The following PHACTR2 variants were observed in gnomAD, a reference collection of about 807,000 sequenced individuals.
PHACTR2 encodes the protein chromosome 6 open reading frame 56.
PHACTR2 carries 30 observed loss-of-function variants against 76.0 expected under a neutral mutation model. The observed-to-expected ratio is 0.39, with a 90% CI of 0.30 to 0.54. The LOEUF (loss-of-function observed/expected upper bound fraction) is 0.54. Ranked by LOEUF, PHACTR2 falls within the 20% of genes least tolerant of loss-of-function variation. The probability of loss-of-function intolerance (pLI) is 0.61; values close to 1 mark genes in which losing one functional copy is unlikely to be tolerated. For missense variants in PHACTR2, 696 were observed against 781.1 expected, an observed-to-expected ratio of 0.89 and a Z score of 1.30; for synonymous variants, 292 against 292.5, an observed-to-expected ratio of 1.00 and a Z score of 0.02.
In PHACTR2 at chr6:143,819,895, G is replaced by A. The variant is rs1776375001; in HGVS notation, c.1923-3779G>A. Among the ~76,000 whole-genome samples, 1 of 152,168 alleles carries A rather than the reference G, an allele frequency of 6.6e-6. No homozygotes were observed. Among genetic ancestry groups the A allele is most frequent in the African/African-American group, 2.4e-5 (1 of 41,432 alleles). On this transcript the variant is annotated intron_variant, in intron 12 of 12. Coordinates refer to ENST00000440869, the MANE Select transcript of PHACTR2 (RefSeq NM_001100164.2). This position sits in a 1 kb window ranked among gnomAD's most constrained non-coding sequence, Gnocchi z 5.0. ...GACTAGGTAATTTATAAGAAAACAGGTTTAATTGGCTCACAGTTCTGCAGG... is the reference window on the plus strand; with the variant it reads ...GACTAGGTAATTTATAAGAAAACAGATTTAATTGGCTCACAGTTCTGCAGG...
chr6:143,767,339 T>G lies in PHACTR2; in HGVS notation c.1232+1541T>G, dbSNP rs1478616390. 6.6e-6 allele frequency among the ~76,000 whole-genome samples: 1 copy of G among 152,238 alleles called. No individual in the cohort carries two copies. The highest frequency in any genetic ancestry group is 1.9e-4 in the East Asian group (1 of 5,204). On this transcript the variant is annotated intron_variant, in intron 6 of 12. Transcript: ENST00000440869. The surrounding 1 kb of genome is among the most constrained non-coding windows in gnomAD (Gnocchi z 4.4). The stretch of plus-strand genomic sequence containing the variant: ...GTTTTCCAAAGCAGTGGCTTCTACT[T>G]CTACTGCCATTTCTCTTCTGTTAGT...
rs1776488863 is a variant in PHACTR2 at position 143,824,185 on chromosome 6, TATTAAGGGATTTAGG to T, written c.*498_*512del. 6.3e-6 allele frequency: 1 copy of T among 159,212 alleles called. No homozygotes were observed. 9.9% of individuals were successfully genotyped at this position (159,212 alleles called of 1,614,324 possible). A position where few individuals can be genotyped will look rare whatever the true frequency, so the allele number is the denominator to read the frequency against. ...AGTAGTTATTCGGTAGCTGAGAACT[TATTAAGGGATTTAGG>T]AATTTAACCTCCTGATGTGGATTCC... On this transcript the variant is annotated 3_prime_UTR_variant, in exon 13 of 13. Coordinates refer to ENST00000440869, the MANE Select transcript of PHACTR2 (RefSeq NM_001100164.2). This position sits in a 1 kb window ranked among gnomAD's most constrained non-coding sequence, Gnocchi z 6.3.
intron 1 of PHACTR2, among the ~76,000 whole-genome samples, chr6:143,575,902 T>C (rs1449502967): frequency 1.3e-5 from 2 of 152,258 alleles, no homozygotes; most frequent in Non-Finnish European, 2.9e-5. Flanking sequence ...AAAGTCTATG[T>C]TCCAGTTCTT....
chr6:143,668,607 G>T (rs1372710034), intron 1 of PHACTR2, among the ~76,000 whole-genome samples: 1 of 152,114 alleles, frequency 6.6e-6, no homozygotes, highest in Non-Finnish European at 1.5e-5. Context: ...GTCTTGGGAG[G>T]ATGTATGTGT....
At chr6:143,804,963 T>C (rs566408276) in intron 11 of PHACTR2, among the ~76,000 whole-genome samples, 121 of 152,288 alleles carry the variant, frequency 7.9e-4, no homozygotes, top group African/African-American at 2.7e-3. Flanking sequence ...TCTCATGATA[T>C]TGTGAAGAAT....
At chr6:143,631,087 A>G (rs1038064038) in intron 1 of PHACTR2, among the ~76,000 whole-genome samples, 1 of 152,244 alleles carries the variant, frequency 6.6e-6, no homozygotes, top group African/African-American at 2.4e-5. Flanking sequence ...TGCCCACAGC[A>G]GCATTTTATA....
chr6:143,786,634 C>T (rs1400526942), intron 10 of PHACTR2, among the ~76,000 whole-genome samples: 1 of 152,178 alleles, frequency 6.6e-6, no homozygotes, highest in Non-Finnish European at 1.5e-5. Flanking sequence ...ATTGGACTTA[C>T]AGTTCCACAT....
At position 143,806,934 on chromosome 6, in the gene PHACTR2, A is replaced by T; in HGVS notation, c.1846-123A>T. On this transcript the variant is annotated intron_variant, in intron 11 of 12. Transcript: ENST00000440869. The surrounding 1 kb of genome is among the most constrained non-coding windows in gnomAD (Gnocchi z 5.8). ...ATCTCGCCACTCCACTCCAGCTTGG[A>T]TGACAGAGCGAGACTCTATCTCTTA... The T allele has an allele frequency of 1.9e-6, 1 of 539,100 alleles. No individual in the cohort carries two copies. The highest frequency in any genetic ancestry group is 3.3e-6 in the Non-Finnish European group (1 of 299,452). 33.4% of individuals were successfully genotyped at this position (539,100 alleles called of 1,614,324 possible). A position where few individuals can be genotyped will look rare whatever the true frequency, so the allele number is the denominator to read the frequency against.
At chr6:143,626,536 C>A (rs866488824) in intron 1 of PHACTR2, among the ~76,000 whole-genome samples, 490 of 122,204 alleles carry the variant, frequency 4.0e-3, no homozygotes, top group Middle Eastern at 8.4e-3. Context: ...GACTCCGTCT[C>A]AAAAAAAAAA....
chr6:143,706,622 T>C (rs901862952), intron 1 of PHACTR2, among the ~76,000 whole-genome samples: 1 of 152,230 alleles, frequency 6.6e-6, no homozygotes, highest in African/African-American at 2.4e-5. Flanking sequence ...TCAGAATTTT[T>C]AACCTGCACC....
chr6:143,783,402 A>G lies in PHACTR2; in HGVS notation c.1707+122A>G. On this transcript the variant is annotated intron_variant, in intron 10 of 12. Coordinates refer to ENST00000440869, the MANE Select transcript of PHACTR2 (RefSeq NM_001100164.2). This position sits in a 1 kb window ranked among gnomAD's most constrained non-coding sequence, Gnocchi z 5.2. ...GAAATAATTATTCCTATTAGTCTATAATCATAGACATCAAAATCACAAGCC... is the reference window on the plus strand; with the variant it reads ...GAAATAATTATTCCTATTAGTCTATGATCATAGACATCAAAATCACAAGCC... The G allele has an allele frequency of 7.1e-6, 4 of 559,508 alleles. No individual in the cohort carries two copies. Among genetic ancestry groups the G allele is most frequent in the Non-Finnish European group, 1.3e-5 (4 of 316,186 alleles). The allele number at this position is 559,508 out of a possible 1,614,324, so 34.7% of individuals were successfully genotyped here.
At position 143,698,152 on chromosome 6, in the gene PHACTR2, G is replaced by C. The variant is rs922520783; in HGVS notation, c.47-13864G>C. ...TAGAAAAGGATTTTGGAATAAGCTA[G>C]TTGGTTTGATGGTGCTCTAATTGGA... On this transcript the variant is annotated intron_variant, in intron 1 of 12. Coordinates refer to ENST00000440869, the MANE Select transcript of PHACTR2 (RefSeq NM_001100164.2). The surrounding 1 kb of genome is among the most constrained non-coding windows in gnomAD (Gnocchi z 4.3). Among the ~76,000 whole-genome samples the C allele has an allele frequency of 1.3e-5, 2 of 152,154 alleles. No homozygotes were observed.
rs909000434 is a variant in PHACTR2, at chr6:143,700,313, G to T, written c.47-11703G>T. On this transcript the variant is annotated intron_variant, in intron 1 of 12. Transcript: ENST00000440869. The surrounding 1 kb of genome is among the most constrained non-coding windows in gnomAD (Gnocchi z 4.1). ...CTCATGCCTGTAAACCAAACACTTT[G>T]GGAGGCTGAGGTGGGCGGATCACTT... is the stretch of plus-strand genomic sequence containing the variant. 1.3e-5 allele frequency among the ~76,000 whole-genome samples: 2 copies of T among 152,174 alleles called. No homozygotes were observed. Among genetic ancestry groups the T allele is most frequent in the African/African-American group, 4.8e-5 (2 of 41,432 alleles).
chr6:143,766,388 C>T (rs1779564288), intron 6 of PHACTR2, among the ~76,000 whole-genome samples: 1 of 152,212 alleles, frequency 6.6e-6, no homozygotes, highest in African/African-American at 2.4e-5. Flanking sequence ...TTACATAAGA[C>T]ACCTCTGTGT....
intron 2 of PHACTR2, among the ~76,000 whole-genome samples, chr6:143,725,702 C>G (rs1427658390): frequency 6.6e-6 from 1 of 151,830 alleles, no homozygotes; most frequent in Non-Finnish European, 1.5e-5. Context: ...TGGGCATCGC[C>G]TGTAATCCCA....
intron 1 of PHACTR2, among the ~76,000 whole-genome samples, chr6:143,707,855 T>C (rs1171107836): frequency 6.6e-6 from 1 of 152,196 alleles, no homozygotes; most frequent in Non-Finnish European, 1.5e-5. Context: ...AGGAAACTTA[T>C]AATCATGGCA....
At position 143,683,110 on chromosome 6, in the gene PHACTR2, G is replaced by A. The variant is rs1777434802; in HGVS notation, c.46+4901G>A. On this transcript the variant is annotated intron_variant, in intron 1 of 12. Transcript: ENST00000440869. The surrounding 1 kb of genome is among the most constrained non-coding windows in gnomAD (Gnocchi z 4.1). ...TACAAAAGTATTTTACTGAGAATTG[G>A]ATCCATTATTTCTAAGTACAGGCTA... Among the ~76,000 whole-genome samples the A allele has an allele frequency of 1.3e-5, 2 of 152,150 alleles. No homozygotes were observed. The highest frequency in any genetic ancestry group is 4.8e-5 in the African/African-American group (2 of 41,428).
upstream of PHACTR2, among the ~76,000 whole-genome samples, chr6:143,607,169 GT>G (rs3841022): frequency 0.23 from 34,518 of 152,064 alleles, 4,605 homozygotes; most frequent in African/African-American, 0.36. Context: ...ACTATGAACT[GT>G]TTTTTTAAAA....
rs1776368045 is a variant in PHACTR2 at position 143,819,511 on chromosome 6, G to A, written c.1923-4163G>A. On this transcript the variant is annotated intron_variant, in intron 12 of 12. Transcript: ENST00000440869. The surrounding 1 kb of genome is among the most constrained non-coding windows in gnomAD (Gnocchi z 5.0). ...ATGCTGAGAAGTCCCAGAACAGGCT[G>A]TCGGCAACCTGGAGACCCTGAGATG... Among the ~76,000 whole-genome samples, 1 of 152,192 alleles carries A rather than the reference G, an allele frequency of 6.6e-6. No individual in the cohort carries two copies. Among genetic ancestry groups the A allele is most frequent in the Admixed American group, 6.5e-5 (1 of 15,284 alleles).
Sources: gnomAD v4.1 joint callset for allele counts (sites outside exome capture counted in the v4.1 genomes callset) on GRCh38, gnomAD v4.1.1 for gene constraint, Gnocchi (gnomAD v3.1) non-coding constraint, MANE v1.5 for transcripts, NCBI Gene and HGNC (gene_info 2026-07-23, HGNC 2026-07-21) for gene names.